The following KCNQ5 variants were observed in gnomAD, a reference collection of about 807,000 sequenced individuals.
KCNQ5 encodes the protein potassium voltage-gated channel subfamily Q member 5.
A neutral mutation model predicts 98.2 loss-of-function variants in KCNQ5; 30 were observed. That is an observed-to-expected ratio of 0.31 (90% CI 0.23 to 0.41). The LOEUF is 0.41. KCNQ5 is among the 10% of genes least tolerant of loss of function. The probability of loss-of-function intolerance (pLI) is 1.00; values close to 1 mark genes in which losing one functional copy is unlikely to be tolerated. For synonymous variants in KCNQ5, 458 were observed against 449.4 expected, an observed-to-expected ratio of 1.02 and a Z score of -0.24; for missense variants, 835 against 1,182.5, an observed-to-expected ratio of 0.71 and a Z score of 4.31.
intron 10 of KCNQ5, among the ~76,000 whole-genome samples, chr6:73,160,071 T>G (rs967340593): frequency 1.3e-5 from 2 of 152,086 alleles, no homozygotes; most frequent in East Asian, 3.9e-4. Context: ...TGGAGTGCAC[T>G]GGCGCGATCT....
chr6:73,024,579 G>A (rs938625256), intron 2 of KCNQ5, among the ~76,000 whole-genome samples: 1 of 152,102 alleles, frequency 6.6e-6, no homozygotes, highest in African/African-American at 2.4e-5. Flanking sequence ...CAGAAATAGA[G>A]GAATAAAATA....
At chr6:73,191,222 A>C (rs1414582545) in intron 12 of KCNQ5, among the ~76,000 whole-genome samples, 1 of 152,224 alleles carries the variant, frequency 6.6e-6, no homozygotes, top group East Asian at 1.9e-4. Context: ...AGTCTACTGC[A>C]GAGCACAAGA....
intron 1 of KCNQ5, among the ~76,000 whole-genome samples, chr6:72,697,371 A>G (rs1027850091): frequency 5.9e-5 from 9 of 152,212 alleles, no homozygotes; most frequent in Non-Finnish European, 1.2e-4. Context: ...ATAGGACACA[A>G]TAACTCATGG....
chr6:72,818,703 A>G (rs893436651), intron 1 of KCNQ5, among the ~76,000 whole-genome samples: 39 of 151,376 alleles, frequency 2.6e-4, no homozygotes, highest in Non-Finnish European at 4.4e-4. Flanking sequence ...ACTTTTAATA[A>G]CAGAATTACT....
rs527273537 is a variant in KCNQ5, at chr6:73,107,339, A to G, written c.1029+1972A>G. On this transcript the variant is annotated intron_variant, in intron 6 of 13. Coordinates refer to ENST00000370398, the MANE Select transcript of KCNQ5 (RefSeq NM_019842.4). ...AGAGAAAATTCTGATAAACTCACCT[A>G]TATGGTTTCACAATTCTTTGAAGAT... 3.9e-5 allele frequency among the ~76,000 whole-genome samples: 6 copies of G among 152,360 alleles called. 1 individual carries two copies. In the South Asian group the frequency reaches 1.2e-3, roughly 32 times the overall value.
chr6:72,926,962 A>G (rs1446246658), intron 1 of KCNQ5, among the ~76,000 whole-genome samples: 1 of 152,184 alleles, frequency 6.6e-6, no homozygotes, highest in Non-Finnish European at 1.5e-5. Context: ...GATGTGCTCC[A>G]ACAAGTTTCT....
At chr6:73,124,633 C>A in intron 9 of KCNQ5, 121 bp downstream of exon 9, 1 of 891,636 alleles carries the variant, frequency 1.1e-6, no homozygotes, top group Non-Finnish European at 1.8e-6. Context: ...AGTGACCTTT[C>A]ACAAGATTGC....
At chr6:73,168,191 G>A (rs1777876086) in intron 10 of KCNQ5, among the ~76,000 whole-genome samples, 1 of 152,168 alleles carries the variant, frequency 6.6e-6, no homozygotes, top group African/African-American at 2.4e-5. Flanking sequence ...ATTCATTGAT[G>A]TAAATGACAC....
At chr6:72,790,068 C>T (rs950123909) in intron 1 of KCNQ5, among the ~76,000 whole-genome samples, 2 of 152,128 alleles carry the variant, frequency 1.3e-5, no homozygotes, top group African/African-American at 2.4e-5. Flanking sequence ...TTTGACAAAA[C>T]GGGCATGTCT....
chr6:73,096,912 G>A (rs9446841), intron 5 of KCNQ5, among the ~76,000 whole-genome samples: 5,402 of 151,932 alleles, frequency 0.036, 116 homozygotes, highest in East Asian at 0.099. Flanking sequence ...GTGTGGTGGC[G>A]GATGCCTGTA....
At chr6:72,845,860 A>G (rs1225256497) in intron 1 of KCNQ5, among the ~76,000 whole-genome samples, 1 of 152,164 alleles carries the variant, frequency 6.6e-6, no homozygotes, top group African/African-American at 2.4e-5. Context: ...CTGTCAGTAA[A>G]ACTTTTTTGA....
At chr6:72,764,843 T>A (rs1286582547) in intron 1 of KCNQ5, among the ~76,000 whole-genome samples, 2 of 151,944 alleles carry the variant, frequency 1.3e-5, no homozygotes, top group Admixed American at 1.3e-4. Context: ...GATTTTTAGA[T>A]CCCAAACAAG....
intron 1 of KCNQ5, among the ~76,000 whole-genome samples, chr6:72,798,547 C>G (rs1035461526): frequency 2.6e-5 from 4 of 152,206 alleles, no homozygotes; most frequent in Admixed American, 2.0e-4. Flanking sequence ...TCACAAAACA[C>G]AGGCCCCTTG....
In KCNQ5 at chr6:72,635,670, G is replaced by GTTTT. The variant is rs528990234; in HGVS notation, c.398+13104_398+13107dup. Among the ~76,000 whole-genome samples the GTTTT allele has an allele frequency of 3.7e-4, 24 of 65,062 alleles. 1 individual carries two copies. The highest frequency in any genetic ancestry group is 1.4e-3 in the East Asian group (3 of 2,220). The allele number at this position is 65,062 out of a possible 152,430, so 42.7% of individuals were successfully genotyped here. A position where few individuals can be genotyped will look rare whatever the true frequency, so the allele number is the denominator to read the frequency against. ...TTTTCTTCCAGTTAAATTGCTCCTA[G>GTTTT]TTTTTTTTTTTTTTTTTTTTTTTTC... On this transcript the variant is annotated intron_variant, in intron 1 of 13. Coordinates refer to ENST00000370398, the MANE Select transcript of KCNQ5 (RefSeq NM_019842.4).
chr6:72,787,559 T>C (rs1307782822), intron 1 of KCNQ5, among the ~76,000 whole-genome samples: 2 of 151,632 alleles, frequency 1.3e-5, no homozygotes, highest in Non-Finnish European at 2.9e-5. Context: ...AAAAATTGAA[T>C]GCTGTAGCCA....
intron 8 of KCNQ5, among the ~76,000 whole-genome samples, chr6:73,124,095 G>A (rs1051749437): frequency 6.6e-6 from 1 of 152,170 alleles, no homozygotes; most frequent in African/African-American, 2.4e-5. Context: ...ATGAATCCAG[G>A]TTTAGAAACC....
At chr6:72,924,630 C>G (rs1780543900) in intron 1 of KCNQ5, among the ~76,000 whole-genome samples, 1 of 152,014 alleles carries the variant, frequency 6.6e-6, no homozygotes, top group Non-Finnish European at 1.5e-5. Flanking sequence ...CCTTGCCTTC[C>G]CTTCCCAGAG....
intron 1 of KCNQ5, among the ~76,000 whole-genome samples, chr6:72,990,574 T>C (rs1769045654): frequency 8.7e-6 from 1 of 114,902 alleles, no homozygotes; most frequent in Non-Finnish European, 1.8e-5. Context: ...CGATGGGGTT[T>C]TCTAGATAAA....
intron 1 of KCNQ5, among the ~76,000 whole-genome samples, chr6:72,633,543 T>A (rs562530558): frequency 6.6e-6 from 1 of 152,318 alleles, no homozygotes; most frequent in African/African-American, 2.4e-5. Flanking sequence ...GATAAAACTA[T>A]TCTAACATTC....
Sources: allele counts gnomAD v4.1 joint callset (sites outside exome capture counted in the v4.1 genomes callset), GRCh38; gene constraint gnomAD v4.1.1; transcripts MANE v1.5; gene names NCBI Gene and HGNC (gene_info 2026-07-23, HGNC 2026-07-21).